Variants in GALNT9 observed in about 807,000 individuals in gnomAD.
GALNT9 encodes the protein GalNAc transferase 9.
Under a neutral mutation model 63.1 loss-of-function variants are expected in GALNT9, and 47 were observed. That is an observed-to-expected ratio of 0.75 (90% CI 0.59 to 0.95). GALNT9 has a LOEUF of 0.95. GALNT9 is among the 40% of genes least tolerant of loss of function. The pLI is 0.00. For missense variants in GALNT9, 829 were observed against 874.8 expected (o/e 0.95, Z 0.66); for synonymous variants, 396 against 365.7 (o/e 1.08, Z -0.94).
At chr12:132,312,747 T>G (rs1016546477) in intron 1 of GALNT9, among the ~76,000 whole-genome samples, 1 of 152,192 alleles carries the variant, frequency 6.6e-6, no homozygotes, top group African/African-American at 2.4e-5. Flanking sequence ...GGACCTGGCT[T>G]TCCCTCAGCC....
Position 132,217,968 on chromosome 12 carries a change from A to C in GALNT9, c.1078-14278T>G, listed in dbSNP as rs140061963. 3.1e-3 allele frequency among the ~76,000 whole-genome samples: 379 copies of C among 122,494 alleles called. 1 individual carries two copies. The highest frequency in any genetic ancestry group is 5.6e-3 in the South Asian group (20 of 3,546). The allele number at this position is 122,494 out of a possible 152,430, so 80.4% of individuals were successfully genotyped here. A position where few individuals can be genotyped will look rare whatever the true frequency, so the allele number is the denominator to read the frequency against. ...CCACTCACCACTCATCCATCTACCC[A>C]CCCACTCACCACTCATCCATCTACC... On this transcript the variant is annotated intron_variant, in intron 6 of 10. Transcript: ENST00000328957.
intron 1 of GALNT9, among the ~76,000 whole-genome samples, chr12:132,322,113 CCT>C (rs1555246203): frequency 1.3e-5 from 2 of 152,230 alleles, no homozygotes; most frequent in African/African-American, 4.8e-5. Context: ...CTGCAAAGAC[CCT>C]GTTTCTAAAT....
intron 1 of GALNT9, among the ~76,000 whole-genome samples, chr12:132,324,572 T>C (rs1043576036): frequency 3.3e-4 from 51 of 152,344 alleles, no homozygotes; most frequent in Admixed American, 1.9e-3. Flanking sequence ...GTCTTTGGAC[T>C]GGCTCCCCAA....
rs1555239277 is a variant in GALNT9, at chr12:132,257,846, G to T, written c.802C>A (p.Arg268Ser). The T allele has an allele frequency of 6.5e-7, 1 of 1,549,126 alleles. No homozygotes were observed. Residue 268 changes from arginine (R) to serine (S), a missense_variant, in exon 5 of 11, where the codon CGC becomes AGC. Arg to Ser is a moderately radical substitution (Grantham distance 110, BLOSUM62 -1). Transcript: ENST00000328957. ...ALSRIREDRR[R>S]IVLPAIDNIK... ...TTGTCGATGGCTGGCAGCACGATGC[G>T]ACGCCGGTCCTCTCGGATCCGCGAC...
chr12:132,273,643 G>A (rs531056390), intron 2 of GALNT9: 4 of 152,668 alleles, frequency 2.6e-5, no homozygotes, highest in Admixed American at 2.6e-4. Context: ...CAGCCTGAGT[G>A]GAACCCGAGG....
intron 5 of GALNT9, among the ~76,000 whole-genome samples, chr12:132,253,106 A>G (rs1555238735): frequency 1.3e-5 from 2 of 152,216 alleles, no homozygotes; most frequent in Non-Finnish European, 2.9e-5. Flanking sequence ...ATGCACTTAT[A>G]AGAAAGATCA....
At chr12:132,266,988 C>T (rs1467679857) in intron 2 of GALNT9, among the ~76,000 whole-genome samples, 1 of 152,204 alleles carries the variant, frequency 6.6e-6, no homozygotes, top group Non-Finnish European at 1.5e-5. Flanking sequence ...ACGTCACAGA[C>T]GCAGCCTCCA....
chr12:132,227,270 C>T (rs1006435536), intron 6 of GALNT9, among the ~76,000 whole-genome samples: 4 of 152,252 alleles, frequency 2.6e-5, no homozygotes, highest in Admixed American at 6.5e-5. Context: ...AGCAGAACCC[C>T]GGGGCACCAG....
chr12:132,329,391 C>A lies in GALNT9; in HGVS notation c.-188G>T, dbSNP rs546436886. ...CACGGCCGCCGGGGGTCCCCCAGAG[C>A]GCAGAGGGCTGCCCGGGGCTGGGGT... On this transcript the variant is annotated 5_prime_UTR_variant, in exon 1 of 11. Transcript: ENST00000328957. The A allele has an allele frequency of 2.8e-4, 222 of 788,834 alleles. 5 individuals carry two copies. The South Asian group carries it at 7.2e-3, about 25-fold the overall frequency. 48.9% of individuals were successfully genotyped at this position (788,834 alleles called of 1,614,324 possible).
intron 9 of GALNT9, among the ~76,000 whole-genome samples, chr12:132,198,836 G>A (rs572265250): frequency 1.3e-5 from 2 of 152,236 alleles, no homozygotes; most frequent in South Asian, 4.1e-4. Context: ...ATTTTTTGTA[G>A]CGACAGGGTT....
intron 6 of GALNT9, among the ~76,000 whole-genome samples, chr12:132,218,119 C>A (rs1877294509): frequency 6.6e-6 from 1 of 152,090 alleles, no homozygotes; most frequent in African/African-American, 2.4e-5. Context: ...ACCTAGCGAC[C>A]ATCTATCCCT....
At chr12:132,249,895 C>T (rs1002277033) in intron 5 of GALNT9, among the ~76,000 whole-genome samples, 1 of 152,158 alleles carries the variant, frequency 6.6e-6, no homozygotes, top group Non-Finnish European at 1.5e-5. Flanking sequence ...CCGCCACACG[C>T]GGGGCACAGG....
intron 5 of GALNT9, among the ~76,000 whole-genome samples, chr12:132,250,366 G>A (rs73488347): frequency 0.074 from 11,247 of 152,280 alleles, 1,387 homozygotes; most frequent in African/African-American, 0.25. Context: ...AGACGGAGGT[G>A]GCAGCTGCAC....
intron 5 of GALNT9, 147 bp from the exon 6 acceptor site, chr12:132,248,174 T>G (rs1878787378): frequency 7.8e-7 from 1 of 1,280,910 alleles, no homozygotes; most frequent in South Asian, 1.6e-5. Flanking sequence ...GTGCTCAAGG[T>G]GAGGGGCCGC....
At chr12:132,260,818 G>T in intron 4 of GALNT9, 130 bp downstream of exon 4, 1 of 1,301,342 alleles carries the variant, frequency 7.7e-7, no homozygotes, top group African/African-American at 1.5e-5. Flanking sequence ...CCCAGATCCT[G>T]AAGGCTACGG....
chr12:132,323,260 GCAAA>G (rs1184410984), intron 1 of GALNT9, among the ~76,000 whole-genome samples: 2 of 152,226 alleles, frequency 1.3e-5, no homozygotes, highest in African/African-American at 4.8e-5. Context: ...AATTGTAAAT[GCAAA>G]CACTCAGCCC....
At chr12:132,291,279 G>A (rs1164651757) in intron 1 of GALNT9, among the ~76,000 whole-genome samples, 2 of 37,844 alleles carry the variant, frequency 5.3e-5, no homozygotes, top group Non-Finnish European at 8.5e-5. Flanking sequence ...CAGCACCCAC[G>A]TCCACATCAC....
At chr12:132,325,264 T>C (rs559329323) in intron 1 of GALNT9, among the ~76,000 whole-genome samples, 11 of 152,288 alleles carry the variant, frequency 7.2e-5, no homozygotes, top group African/African-American at 2.4e-4. Context: ...AAACAATGAA[T>C]TGTTTGGAGA....
chr12:132,327,613 C>T lies in GALNT9; in HGVS notation c.238+1353G>A, dbSNP rs1259439430. ...GGAGATGAATTGCTCTGCCGGGCGG[C>T]TGGGCGGCTGCTTGAACTACTTTTC... On this transcript the variant is annotated intron_variant, in intron 1 of 10. Transcript: ENST00000328957. This position sits in a 1 kb window ranked among gnomAD's most constrained non-coding sequence, Gnocchi z 4.3. 3.3e-5 allele frequency among the ~76,000 whole-genome samples: 5 copies of T among 152,166 alleles called. No individual in the cohort carries two copies. The highest frequency in any genetic ancestry group is 1.2e-4 in the African/African-American group (5 of 41,428).
Sources: gnomAD v4.1 joint callset for allele counts (sites outside exome capture counted in the v4.1 genomes callset) on GRCh38, gnomAD v4.1.1 for gene constraint, Gnocchi (gnomAD v3.1) non-coding constraint, MANE v1.5 for transcripts, NCBI Gene and HGNC (gene_info 2026-07-23, HGNC 2026-07-21) for gene names.